Variants in SUGCT observed in about 807,000 individuals in gnomAD.
SUGCT encodes the protein succinyl-CoA:glutarate-CoA transferase.
SUGCT carries 41 observed loss-of-function variants against 55.0 expected under a neutral mutation model. The observed-to-expected ratio is 0.74, with a 90% CI of 0.58 to 0.97. SUGCT has a LOEUF of 0.97. Ranked by LOEUF, SUGCT falls within the 50% of genes least tolerant of loss-of-function variation. The pLI, the probability that SUGCT is intolerant of heterozygous loss-of-function variation, is 0.00. For synonymous variants in SUGCT, 187 were observed against 200.4 expected, an observed-to-expected ratio of 0.93 and a Z score of 0.56; for missense variants, 568 against 547.8, an observed-to-expected ratio of 1.04 and a Z score of -0.37.
At chr7:40,155,890 C>A (rs1366844978) in intron 1 of SUGCT, among the ~76,000 whole-genome samples, 1 of 149,692 alleles carries the variant, frequency 6.7e-6, no homozygotes, top group Non-Finnish European at 1.5e-5. Context: ...TAGAGTCTCC[C>A]TCTGTAGCCC....
At chr7:40,891,340 T>A in the SUGCT span, among the ~76,000 whole-genome samples, 1 of 152,142 alleles carries the variant, frequency 6.6e-6, no homozygotes, top group Non-Finnish European at 1.5e-5. Context: ...CGTAAGGAGA[T>A]CTTCACTGAG....
At chr7:40,629,532 C>G (rs1327432140) in intron 12 of SUGCT, among the ~76,000 whole-genome samples, 1 of 151,816 alleles carries the variant, frequency 6.6e-6, no homozygotes, top group African/African-American at 2.4e-5. Flanking sequence ...GAATAGGGGG[C>G]TGGATAACGG....
rs371697397 is a variant in SUGCT, at chr7:40,860,495, C to G, written c.*16C>G. 1.0e-5 allele frequency: 16 copies of G among 1,604,896 alleles called. No individual in the cohort carries two copies. The highest frequency in any genetic ancestry group is 1.4e-5 in the Non-Finnish European group (16 of 1,173,718). ...AACTCACTGACAAAGGAAAAGGGCT[C>G]TTCCTCATAACCTCGATCCGAATAC... On this transcript the variant is annotated 3_prime_UTR_variant, in exon 14 of 14. Coordinates refer to ENST00000335693, the MANE Select transcript of SUGCT (RefSeq NM_001193313.2).
At chr7:40,574,265 C>T (rs1362968481) in intron 12 of SUGCT, among the ~76,000 whole-genome samples, 1 of 152,178 alleles carries the variant, frequency 6.6e-6, no homozygotes, top group Non-Finnish European at 1.5e-5. Flanking sequence ...TTTATTCATT[C>T]ACTTATCTCT....
At chr7:40,942,755 T>C in the SUGCT span, among the ~76,000 whole-genome samples, 1 of 140,570 alleles carries the variant, frequency 7.1e-6, no homozygotes, top group East Asian at 2.0e-4. Context: ...TTGTTTCTTT[T>C]AAATTCTCTG....
At chr7:40,970,524 T>A in the SUGCT span, among the ~76,000 whole-genome samples, 1 of 152,188 alleles carries the variant, frequency 6.6e-6, no homozygotes, top group Non-Finnish European at 1.5e-5. Context: ...AGATTTTCTT[T>A]TGGGTGCCAA....
At chr7:40,398,437 T>TG (rs1785866788) in intron 9 of SUGCT, among the ~76,000 whole-genome samples, 1 of 151,950 alleles carries the variant, frequency 6.6e-6, no homozygotes, top group Non-Finnish European at 1.5e-5. Flanking sequence ...GTATATCATA[T>TG]GTCATTAATC....
At chr7:40,526,923 G>A (rs911265112) in intron 12 of SUGCT, among the ~76,000 whole-genome samples, 4 of 152,016 alleles carry the variant, frequency 2.6e-5, no homozygotes, top group East Asian at 1.9e-4. Flanking sequence ...GATGATGTTC[G>A]GGTCTATCTT....
At chr7:40,682,636 T>C (rs1193464439) in intron 12 of SUGCT, among the ~76,000 whole-genome samples, 1 of 152,218 alleles carries the variant, frequency 6.6e-6, no homozygotes, top group African/African-American at 2.4e-5. Context: ...GTATTGTATT[T>C]ACTGGTGTGT....
intron 7 of SUGCT, among the ~76,000 whole-genome samples, chr7:40,259,039 A>G (rs1791037307): frequency 1.3e-5 from 2 of 152,238 alleles, no homozygotes; most frequent in African/African-American, 2.4e-5. Context: ...GAAGGACATT[A>G]TTCTAAGTGA....
downstream of SUGCT, among the ~76,000 whole-genome samples, chr7:40,865,749 C>T (rs1794565909): frequency 6.6e-6 from 1 of 152,150 alleles, no homozygotes; most frequent in Admixed American, 6.5e-5. Context: ...CTTACTCTTT[C>T]TTAGCAAAGG....
intron 13 of SUGCT, among the ~76,000 whole-genome samples, chr7:40,842,405 A>G (rs529284366): frequency 1.2e-4 from 18 of 152,312 alleles, no homozygotes; most frequent in African/African-American, 3.8e-4. Flanking sequence ...CTCATTTTGC[A>G]TGGTTCATGG....
chr7:40,688,420 T>C (rs1784555545), intron 12 of SUGCT, among the ~76,000 whole-genome samples: 1 of 152,218 alleles, frequency 6.6e-6, no homozygotes, highest in Non-Finnish European at 1.5e-5. Context: ...GCCATGGCAC[T>C]TCTATTTGTC....
At chr7:40,702,686 G>A (rs994445568) in intron 12 of SUGCT, among the ~76,000 whole-genome samples, 10 of 152,064 alleles carry the variant, frequency 6.6e-5, no homozygotes, top group East Asian at 1.9e-4. Flanking sequence ...AATATGAGTC[G>A]GCTCCATGTT....
chr7:40,623,717 T>G (rs1416610844), intron 12 of SUGCT, among the ~76,000 whole-genome samples: 1 of 152,150 alleles, frequency 6.6e-6, no homozygotes, highest in Non-Finnish European at 1.5e-5. Context: ...TGCACGCACA[T>G]GCACTCATAC....
At chr7:40,248,933 C>G (rs1232345000) in intron 7 of SUGCT, among the ~76,000 whole-genome samples, 1 of 65,330 alleles carries the variant, frequency 1.5e-5, no homozygotes, top group Non-Finnish European at 4.2e-5. Flanking sequence ...CACTCCCTCT[C>G]TCTCTGTCTC....
intron 12 of SUGCT, among the ~76,000 whole-genome samples, chr7:40,639,609 G>A (rs1800177128): frequency 6.6e-6 from 1 of 151,604 alleles, no homozygotes; most frequent in Middle Eastern, 3.4e-3. Context: ...CCACTTCGTG[G>A]GTTCAAGCAA....
chr7:40,595,324 A>T (rs1797948000), intron 12 of SUGCT, among the ~76,000 whole-genome samples: 1 of 152,162 alleles, frequency 6.6e-6, no homozygotes, highest in Admixed American at 6.6e-5. Flanking sequence ...CCATTTGTGG[A>T]GCCTTCAGGA....
chr7:40,219,025 C>A (rs749822784), intron 6 of SUGCT, among the ~76,000 whole-genome samples: 1 of 152,208 alleles, frequency 6.6e-6, no homozygotes. Context: ...TCCGCACTAC[C>A]TTTATGAGCT....
Sources: gnomAD v4.1 joint callset for allele counts (sites outside exome capture counted in the v4.1 genomes callset) on GRCh38, gnomAD v4.1.1 for gene constraint, MANE v1.5 for transcripts, NCBI Gene and HGNC (gene_info 2026-07-23, HGNC 2026-07-21) for gene names.